Variants in HSD11B1L observed in about 807,000 individuals in gnomAD.
HSD11B1L encodes the protein hydroxysteroid 11-beta-dehydrogenase 1-like protein.
Under a neutral mutation model 27.0 loss-of-function variants are expected in HSD11B1L, and 22 were observed. That is an observed-to-expected ratio of 0.81 (90% CI 0.58 to 1.16). The LOEUF (loss-of-function observed/expected upper bound fraction) is 1.16, where lower values mean the gene tolerates loss of function less well. HSD11B1L is among the 50% of genes most tolerant of loss of function. The probability of loss-of-function intolerance (pLI) is 0.00; values close to 1 mark genes in which losing one functional copy is unlikely to be tolerated. For synonymous variants in HSD11B1L, 187 were observed against 189.2 expected, an observed-to-expected ratio of 0.99 and a Z score of 0.09; for missense variants, 372 against 401.8, an observed-to-expected ratio of 0.93 and a Z score of 0.63.
At position 5,687,982 on chromosome 19, in the gene HSD11B1L, GTTCCTCCC is replaced by G; in HGVS notation, c.*39_*46del. 3 of 1,552,574 alleles carry G rather than the reference GTTCCTCCC, an allele frequency of 1.9e-6. No homozygotes were observed. The highest frequency in any genetic ancestry group is 2.6e-6 in the Non-Finnish European group (3 of 1,147,506). On this transcript the variant is annotated 3_prime_UTR_variant, in exon 8 of 8. Coordinates refer to ENST00000339423, the MANE Select transcript of HSD11B1L (RefSeq NM_198706.3). This position sits in a 1 kb window ranked among gnomAD's most constrained non-coding sequence, Gnocchi z 6.6. ...TGCCCCTCCAGTCCCAGACGGCAAT[GTTCCTCCC>G]TCCAACTGTCCCTGGAGCCAGAACA...
intron 1 of HSD11B1L, among the ~76,000 whole-genome samples, chr19:5,682,836 T>TTTTTTG (rs1491396100): frequency 7.9e-6 from 1 of 126,184 alleles, no homozygotes; most frequent in Admixed American, 8.1e-5. Flanking sequence ...TTTTTTTTTT[T>TTTTTTG]AGACAGAGTC....
At chr19:5,681,812 C>A (rs941465861) in intron 1 of HSD11B1L, among the ~76,000 whole-genome samples, 1 of 152,266 alleles carries the variant, frequency 6.6e-6, no homozygotes, top group African/African-American at 2.4e-5. Context: ...GCCATCCACC[C>A]ATCCATCCTT....
chr19:5,684,071 G>A (rs2054624404), intron 1 of HSD11B1L: 1 of 479,760 alleles, frequency 2.1e-6, no homozygotes, highest in Admixed American at 3.4e-5. Context: ...TGCCTCCCAG[G>A]TTCAAGCGAT....
At chr19:5,682,671 G>A (rs753814153) in intron 1 of HSD11B1L, among the ~76,000 whole-genome samples, 1 of 151,982 alleles carries the variant, frequency 6.6e-6, no homozygotes, top group Non-Finnish European at 1.5e-5. Flanking sequence ...GTCAGGAGGA[G>A]ACACCCAGAA....
Position 5,687,242 on chromosome 19 carries a change from G to T in HSD11B1L, c.409-40G>T. On this transcript the variant is annotated intron_variant, in intron 5 of 7. Coordinates refer to ENST00000339423, the MANE Select transcript of HSD11B1L (RefSeq NM_198706.3). This position sits in a 1 kb window ranked among gnomAD's most constrained non-coding sequence, Gnocchi z 6.6. ...GGTTTCTGGCCCCGCCCTGCCCCTGGGCTCCGCCTCTGCCGGTGACTCGCG... is the reference window on the plus strand; with the variant it reads ...GGTTTCTGGCCCCGCCCTGCCCCTGTGCTCCGCCTCTGCCGGTGACTCGCG... The T allele has an allele frequency of 1.2e-6, 2 of 1,603,376 alleles. No homozygotes were observed. The highest frequency in any genetic ancestry group is 1.7e-6 in the Non-Finnish European group (2 of 1,174,368).
Position 5,688,274 on chromosome 19 carries a change from C to A in HSD11B1L, c.*329C>A. The A allele has an allele frequency of 1.7e-6, 2 of 1,158,572 alleles. No homozygotes were observed. The highest frequency in any genetic ancestry group is 2.4e-6 in the Non-Finnish European group (2 of 830,986). 71.8% of individuals were successfully genotyped at this position (1,158,572 alleles called of 1,614,324 possible). On this transcript the variant is annotated 3_prime_UTR_variant, in exon 8 of 8. Coordinates refer to ENST00000339423, the MANE Select transcript of HSD11B1L (RefSeq NM_198706.3). ...CGCCACCCTTGAGCCACCCATGGACCCCTCTCCATCTCCTGCCTGCGCCTT... is the reference window on the plus strand; with the variant it reads ...CGCCACCCTTGAGCCACCCATGGACACCTCTCCATCTCCTGCCTGCGCCTT...
chr19:5,687,566 TCGGCTCCCTG>T lies in HSD11B1L; in HGVS notation c.571_580del (p.Ser191GlyfsTer8). The stretch of plus-strand genomic sequence containing the variant: ...GCCAAGTTTGCGCTGGACGGCTTCT[TCGGCTCCCTG>T]CGGCGGGAGCTGGACGTGCAGGACG... On this transcript the variant is annotated frameshift_variant, in exon 7 of 8. Coordinates refer to ENST00000339423, the MANE Select transcript of HSD11B1L (RefSeq NM_198706.3). LOFTEE classifies it high-confidence loss of function. This position sits in a 1 kb window ranked among gnomAD's most constrained non-coding sequence, Gnocchi z 6.6. The T allele has an allele frequency of 6.2e-7, 1 of 1,600,128 alleles. No homozygotes were observed.
intron 1 of HSD11B1L, among the ~76,000 whole-genome samples, chr19:5,681,527 G>A (rs916547855): frequency 6.8e-6 from 1 of 148,006 alleles, no homozygotes; most frequent in African/African-American, 2.5e-5. Flanking sequence ...CCATCTGTCC[G>A]CCCATCCATT....
intron 3 of HSD11B1L, 99 bp from the exon 4 acceptor site, chr19:5,686,317 G>T (rs2275243): frequency 0.052 from 40,649 of 784,352 alleles, 1,241 homozygotes; most frequent in Non-Finnish European, 0.061. Flanking sequence ...GAGTAGGGGG[G>T]GGTTTTCAGG....
chr19:5,685,071 G>A lies in HSD11B1L; in HGVS notation c.156G>A (p.Leu52=). The A allele has an allele frequency of 6.4e-7, 1 of 1,553,854 alleles. No homozygotes were observed. The highest frequency in any genetic ancestry group is 8.7e-7 in the Non-Finnish European group (1 of 1,148,748). Residue 52 remains leucine, a synonymous_variant, in exon 3 of 8, where the codon CTG becomes CTA. Coordinates refer to ENST00000339423, the MANE Select transcript of HSD11B1L (RefSeq NM_198706.3). This position sits in a 1 kb window ranked among gnomAD's most constrained non-coding sequence, Gnocchi z 4.3. Reference sequence around the variant, plus strand: ...AGCTGGCCTATCACTACGCGCGTCTGGGCTCCCACCTGGTGCTCACTGCCC... The same window carrying A: ...AGCTGGCCTATCACTACGCGCGTCTAGGCTCCCACCTGGTGCTCACTGCCC... ...GEELAYHYAR[L]GSHLVLTAHT... is the part of the protein sequence containing the mutation.
chr19:5,688,427 C>A lies in HSD11B1L; in HGVS notation c.*482C>A. ...AGGGGCGTCTACACTGTTCGTCTACCTGGTGGCAGGGTCTGAGCGGGAGGA... is the reference window on the plus strand; with the variant it reads ...AGGGGCGTCTACACTGTTCGTCTACATGGTGGCAGGGTCTGAGCGGGAGGA... On this transcript the variant is annotated 3_prime_UTR_variant, in exon 8 of 8. Coordinates refer to ENST00000339423, the MANE Select transcript of HSD11B1L (RefSeq NM_198706.3). The A allele has an allele frequency of 1.8e-6, 1 of 559,426 alleles. No homozygotes were observed. The highest frequency in any genetic ancestry group is 3.2e-6 in the Non-Finnish European group (1 of 316,296). 34.7% of individuals were successfully genotyped at this position (559,426 alleles called of 1,614,324 possible). A position where few individuals can be genotyped will look rare whatever the true frequency, so the allele number is the denominator to read the frequency against.
rs1340105966 is a variant in HSD11B1L, at chr19:5,685,344, G to A, written c.204+225G>A. The A allele has an allele frequency of 2.9e-6, 2 of 682,934 alleles. No individual in the cohort carries two copies. The highest frequency in any genetic ancestry group is 1.8e-5 in the African/African-American group (1 of 56,868). The allele number at this position is 682,934 out of a possible 1,614,324, so 42.3% of individuals were successfully genotyped here. ...TGTAGTCAGCACTTTGGGAGGCCGA[G>A]GAAAGTGGATCACCTGAGGTCAGGA... On this transcript the variant is annotated intron_variant, in intron 3 of 7. Transcript: ENST00000339423. This position sits in a 1 kb window ranked among gnomAD's most constrained non-coding sequence, Gnocchi z 4.3.
Position 5,687,662 on chromosome 19 carries a change from C to G in HSD11B1L, c.662C>G (p.Ala221Gly), listed in dbSNP as rs754725834. 3 of 1,583,060 alleles carry G rather than the reference C, an allele frequency of 1.9e-6. No homozygotes were observed. In the African/African-American group the frequency reaches 4.0e-5, roughly 21 times the overall value. Residue 221 changes from alanine to glycine, a missense_variant, in exon 7 of 8, where the codon GCA becomes GGA. Transcript: ENST00000339423. The surrounding 1 kb of genome is among the most constrained non-coding windows in gnomAD (Gnocchi z 6.6). ...CGAGATCGCGCCTCCGCCGCCGAGGCAGTCAGGTGAGGCCCGGACAAGCTG... is the reference window on the plus strand; with the variant it reads ...CGAGATCGCGCCTCCGCCGCCGAGGGAGTCAGGTGAGGCCCGGACAAGCTG... ...GLRDRASAAE[A>G]VRGVTRVKAA...
Position 5,686,407 on chromosome 19 carries a change from C to T in HSD11B1L, c.205-9C>T, listed in dbSNP as rs781330567. 3 of 1,550,684 alleles carry T rather than the reference C, an allele frequency of 1.9e-6. No individual in the cohort carries two copies. Among genetic ancestry groups the T allele is most frequent in the East Asian group, 4.7e-5 (2 of 42,588 alleles). On this transcript the variant is annotated splice_polypyrimidine_tract_variant and intron_variant, in intron 3 of 7. Coordinates refer to ENST00000339423, the MANE Select transcript of HSD11B1L (RefSeq NM_198706.3). The stretch of plus-strand genomic sequence containing the variant: ...GGAGAGGCCCACGGGCAGCTCTGGC[C>T]CCCCCCAGGTGGTAGGGAACTGCCG...
chr19:5,684,665 C>A, intron 1 of HSD11B1L, 154 bp from the exon 2 acceptor site: 2 of 1,239,546 alleles, frequency 1.6e-6, no homozygotes, highest in South Asian at 1.5e-5. Context: ...CGCGGTGGTT[C>A]ATGGAGCCAC....
At chr19:5,681,303 T>C in intron 1 of HSD11B1L, 32 bp downstream of exon 1, 1 of 152,174 alleles carries the variant, frequency 6.6e-6, no homozygotes, top group Non-Finnish European at 1.5e-5. Context: ...GCGCAGAGGG[T>C]CACACGCCCG....
At position 5,684,816 on chromosome 19, in the gene HSD11B1L, C is replaced by T; in HGVS notation, c.-14-3C>T. 1 of 1,613,634 alleles carries T rather than the reference C, an allele frequency of 6.2e-7. No individual in the cohort carries two copies. Among genetic ancestry groups the T allele is most frequent in the Non-Finnish European group, 8.5e-7 (1 of 1,179,958 alleles). On this transcript the variant is annotated splice_polypyrimidine_tract_variant and splice_region_variant and intron_variant, in intron 1 of 7. Coordinates refer to ENST00000339423, the MANE Select transcript of HSD11B1L (RefSeq NM_198706.3). ...GCCACCTCTGTCCCCTGTCCCTCTG[C>T]AGGCCCACACAGGACCATGAAGGTG...
At position 5,686,965 on chromosome 19, in the gene HSD11B1L, C is replaced by A; in HGVS notation, c.382C>A (p.Pro128Thr). 1 of 1,550,990 alleles carries A rather than the reference C, an allele frequency of 6.4e-7. No individual in the cohort carries two copies. The stretch of plus-strand genomic sequence containing the variant: ...CCCGGCCGGCACGCGAGCCCGCAGC[C>A]CCCAGGCAACTCGCTGGCTCATGCA... ...GAPAGTRARS[P>T]QATRWLMQVN... The change falls in exon 5 of 8, where the codon CCC becomes ACC. Residue 128 changes from proline to threonine, a missense_variant. By Grantham distance (38) the Pro-to-Thr change is conservative. Transcript: ENST00000339423.
chr19:5,687,762 G>A lies in HSD11B1L; in HGVS notation c.678G>A (p.Thr226=), dbSNP rs750820052. The change falls in exon 8 of 8, where the codon ACG becomes ACA. Residue 226 remains threonine (T), a synonymous_variant. Transcript: ENST00000339423. The surrounding 1 kb of genome is among the most constrained non-coding windows in gnomAD (Gnocchi z 6.6). ...GCCCTCCTGTCCCCAGGGGAGTCAC[G>A]AGGGTCAAGGCGGCCCCGGGGCCCA... is the stretch of plus-strand genomic sequence containing the variant. ...ASAAEAVRGV[T]RVKAAPGPKA... is the part of the protein sequence containing the mutation. The A allele has an allele frequency of 1.8e-4, 262 of 1,481,824 alleles. No homozygotes were observed. Among genetic ancestry groups the A allele is most frequent in the Admixed American group, 2.6e-4 (10 of 38,422 alleles). The allele number at this position is 1,481,824 out of a possible 1,614,324, so 91.8% of individuals were successfully genotyped here. A position where few individuals can be genotyped will look rare whatever the true frequency, so the allele number is the denominator to read the frequency against.
Sources: allele counts gnomAD v4.1 joint callset (sites outside exome capture counted in the v4.1 genomes callset), GRCh38; gene constraint gnomAD v4.1.1; non-coding constraint Gnocchi (gnomAD v3.1); transcripts MANE v1.5; gene names NCBI Gene and HGNC (gene_info 2026-07-23, HGNC 2026-07-21).